The following TAS1R1 variants were observed in gnomAD, a reference collection of about 807,000 sequenced individuals.
TAS1R1 encodes the protein taste receptor type 1 member 1.
A neutral mutation model predicts 45.8 loss-of-function variants in TAS1R1; 31 were observed. That is an observed-to-expected ratio of 0.68 (90% CI 0.51 to 0.91). TAS1R1 has a LOEUF of 0.91. Among genes scored for constraint, TAS1R1 ranks in the 40% least tolerant of loss-of-function variants. The pLI is 0.00. For missense variants in TAS1R1, 1,051 were observed against 1,063.9 expected (o/e 0.99, Z 0.17); for synonymous variants, 437 against 448.4 (o/e 0.97, Z 0.32).
intron 5 of TAS1R1, among the ~76,000 whole-genome samples, chr1:6,577,687 G>A (rs1195445616): frequency 6.6e-6 from 1 of 151,876 alleles, no homozygotes; most frequent in Non-Finnish European, 1.5e-5. Context: ...AGTTAGCCGG[G>A]CGTTGTGGCG....
At position 6,579,191 on chromosome 1, in the gene TAS1R1, CT is replaced by C; in HGVS notation, c.2135del (p.Phe712SerfsTer5). The C allele has an allele frequency of 6.2e-7, 1 of 1,614,230 alleles. No individual in the cohort carries two copies. Among genetic ancestry groups the C allele is most frequent in the Non-Finnish European group, 8.5e-7 (1 of 1,180,050 alleles). On this transcript the variant is annotated frameshift_variant, in exon 6 of 6. Coordinates refer to ENST00000333172, the MANE Select transcript of TAS1R1 (RefSeq NM_138697.4). LOFTEE classifies it low-confidence loss of function (END_TRUNC). Reference protein sequence around the residue: ...TPLPAREYQRFPHLVMLECTE... With the variant: ...TPLPAREYQRXPHLVMLECTE... Reference sequence around the variant, plus strand: ...CACTGCCTGCTAGGGAATACCAGCGCTTCCCCCATCTGGTGATGCTTGAGTG... The same window carrying C: ...CACTGCCTGCTAGGGAATACCAGCGCTCCCCCATCTGGTGATGCTTGAGTG...
chr1:6,559,658 CAAA>C (rs769420972), intron 1 of TAS1R1, among the ~76,000 whole-genome samples: 2 of 100,514 alleles, frequency 2.0e-5, no homozygotes, highest in Non-Finnish European at 4.2e-5. Context: ...GACTCCCTCT[CAAA>C]AAAAAAAAAA....
At chr1:6,556,388 T>TATCC (rs1396140913) in intron 1 of TAS1R1, among the ~76,000 whole-genome samples, 1 of 146,316 alleles carries the variant, frequency 6.8e-6, no homozygotes, top group Non-Finnish European at 1.5e-5. Context: ...CTTTTATTTC[T>TATCC]ATCTATCTAT....
intron 1 of TAS1R1, among the ~76,000 whole-genome samples, chr1:6,557,042 T>TG (rs1639699902): frequency 6.8e-6 from 1 of 146,658 alleles, no homozygotes; most frequent in Non-Finnish European, 1.5e-5. Flanking sequence ...CGAAGACAGT[T>TG]GCTTGCAGAC....
chr1:6,568,292 A>AAAT (rs1039344997), intron 1 of TAS1R1, among the ~76,000 whole-genome samples: 4 of 151,962 alleles, frequency 2.6e-5, no homozygotes, highest in African/African-American at 9.7e-5. Flanking sequence ...TACTAAAAAA[A>AAAT]AATACAAAAA....
rs756146112 is a variant in TAS1R1, at chr1:6,579,487, C to G, written c.2429C>G (p.Pro810Arg). ...AGCGGCTTCGGTGGGTATTTTCTGC[C>G]TAAGTGCTACGTGATCCTCTGCCGC... ...LSSGFGGYFL[P>R]KCYVILCRPD... The change falls in exon 6 of 6, where the codon CCT (proline) becomes CGT (arginine). Residue 810 changes from proline to arginine, a missense_variant. Physicochemically the swap from Pro to Arg is moderately radical, Grantham distance 103. Transcript: ENST00000333172. 2 of 1,614,018 alleles carry G rather than the reference C, an allele frequency of 1.2e-6. No individual in the cohort carries two copies. Among genetic ancestry groups the G allele is most frequent in the Non-Finnish European group, 8.5e-7 (1 of 1,180,030 alleles).
chr1:6,578,478 A>G (rs1172727151), intron 5 of TAS1R1, among the ~76,000 whole-genome samples, 175 bp from the exon 6 acceptor site: 1 of 151,922 alleles, frequency 6.6e-6, no homozygotes, highest in African/African-American at 2.4e-5. Flanking sequence ...TAATTAACAC[A>G]GGCATTTTGA....
chr1:6,559,172 C>T (rs1488487457), intron 1 of TAS1R1, among the ~76,000 whole-genome samples: 1 of 151,946 alleles, frequency 6.6e-6, no homozygotes. Flanking sequence ...GGATTACAGG[C>T]GTGAGCCGCC....
intron 1 of TAS1R1, among the ~76,000 whole-genome samples, chr1:6,559,393 C>CA (rs1027957029): frequency 1.3e-5 from 2 of 151,992 alleles, no homozygotes; most frequent in Admixed American, 1.3e-4. Context: ...CATAGTGACT[C>CA]ACGCCTGTAA....
Position 6,576,501 on chromosome 1 carries a change from T to C in TAS1R1, c.1347T>C (p.Tyr449=), listed in dbSNP as rs1026080447. ...ACAACAGAGATCCCCTCAGTAGCTA[T>C]AACATAATTGCCTGGGACTGGAATG... ...FNDNRDPLSS[Y]NIIAWDWNGP... Residue 449 remains tyrosine, a synonymous_variant, in exon 4 of 6, where the codon TAT becomes TAC. Transcript: ENST00000333172. 5.6e-6 allele frequency: 9 copies of C among 1,614,106 alleles called. No homozygotes were observed. The African/African-American group carries it at 1.1e-4, about 19-fold the overall frequency.
chr1:6,559,298 G>A (rs1639740308), intron 1 of TAS1R1, among the ~76,000 whole-genome samples: 4 of 151,966 alleles, frequency 2.6e-5, no homozygotes, highest in Admixed American at 2.6e-4. Flanking sequence ...CCAAAGTGCT[G>A]GGATTACAGG....
Position 6,567,215 on chromosome 1 carries a change from C to T in TAS1R1, c.192-3694C>T, listed in dbSNP as rs1639888563. Among the ~76,000 whole-genome samples, 3 of 152,238 alleles carry T rather than the reference C, an allele frequency of 2.0e-5. No individual in the cohort carries two copies. The South Asian group carries it at 6.2e-4, about 32-fold the overall frequency. ...GGACGCGAGATGAATCTGTCAATCC[C>T]CACAACTGAGACTGAGGCAAGGCCG... On this transcript the variant is annotated intron_variant, in intron 1 of 5. Coordinates refer to ENST00000333172, the MANE Select transcript of TAS1R1 (RefSeq NM_138697.4).
At chr1:6,567,141 T>A (rs1426458248) in intron 1 of TAS1R1, among the ~76,000 whole-genome samples, 1 of 151,998 alleles carries the variant, frequency 6.6e-6, no homozygotes, top group Admixed American at 6.6e-5. Context: ...AGAAAGACTA[T>A]GAGAAAATGG....
At chr1:6,571,371 C>T (rs11587438) in intron 2 of TAS1R1, among the ~76,000 whole-genome samples, 156 bp downstream of exon 2, 117,999 of 152,174 alleles carry the variant, frequency 0.78, 47,202 homozygotes, top group Non-Finnish European at 0.87. Context: ...CCCTGCCCAG[C>T]GTGGTTCCTG....
At chr1:6,575,779 G>A (rs564209452) in intron 3 of TAS1R1, among the ~76,000 whole-genome samples, 307 of 148,228 alleles carry the variant, frequency 2.1e-3, no homozygotes, top group African/African-American at 7.3e-3. Context: ...TGTGAGCTCC[G>A]CCTCCCAGGT....
chr1:6,576,326 G>A (rs1464183311), intron 3 of TAS1R1, 89 bp from the exon 4 acceptor site: 12 of 1,304,090 alleles, frequency 9.2e-6, no homozygotes, highest in Admixed American at 9.0e-5. Flanking sequence ...CCACCAGGAC[G>A]GAAACCCAGG....
At chr1:6,560,648 G>T (rs761628243) in intron 1 of TAS1R1, among the ~76,000 whole-genome samples, 9 of 152,240 alleles carry the variant, frequency 5.9e-5, no homozygotes, top group African/African-American at 9.6e-5. Context: ...ATAGGTAATA[G>T]AGAGGGGGTG....
At chr1:6,572,343 ACT>A (rs1263339331) in intron 2 of TAS1R1, among the ~76,000 whole-genome samples, 3 of 140,712 alleles carry the variant, frequency 2.1e-5, no homozygotes, top group Non-Finnish European at 3.0e-5. Context: ...ATGTTGTCTC[ACT>A]GTCTCCCAGG....
chr1:6,572,596 C>T (rs1313356178), intron 2 of TAS1R1, among the ~76,000 whole-genome samples: 2 of 152,086 alleles, frequency 1.3e-5, no homozygotes, highest in African/African-American at 4.8e-5. Flanking sequence ...GAGAGTCTTT[C>T]CTTGGAATTT....
Sources: allele counts gnomAD v4.1 joint callset (sites outside exome capture counted in the v4.1 genomes callset), GRCh38; gene constraint gnomAD v4.1.1; transcripts MANE v1.5; gene names NCBI Gene and HGNC (gene_info 2026-07-23, HGNC 2026-07-21).